CAMTA1: variants seen among roughly 807,000 people sequenced by gnomAD.
CAMTA1 encodes calmodulin-binding transcription activator 1.
Under a neutral mutation model 170.9 loss-of-function variants are expected in CAMTA1, and 27 were observed. The ratio of observed to expected loss-of-function variants is 0.16; its 90% confidence interval spans 0.12 to 0.22. The LOEUF (loss-of-function observed/expected upper bound fraction) is 0.22, where lower values mean the gene tolerates loss of function less well. Ranked by LOEUF, CAMTA1 falls within the 10% of genes least tolerant of loss-of-function variation. CAMTA1 has a pLI of 1.00. For missense variants in CAMTA1, 1,619 were observed against 2,217.2 expected (o/e 0.73, Z 5.42); for synonymous variants, 833 against 891.5 (o/e 0.93, Z 1.17).
chr1:7,042,901 C>A (rs1704693334), intron 3 of CAMTA1, among the ~76,000 whole-genome samples: 1 of 152,196 alleles, frequency 6.6e-6, no homozygotes, highest in South Asian at 2.1e-4. Flanking sequence ...TCTTGACCAC[C>A]AGAGGTCACT....
chr1:7,556,533 A>C (rs4908656), intron 6 of CAMTA1, among the ~76,000 whole-genome samples: 24,506 of 152,218 alleles, frequency 0.16, 2,473 homozygotes, highest in South Asian at 0.23. Flanking sequence ...TGGTCATTAC[A>C]GCCATGCACA....
chr1:7,496,964 G>A (rs968674616), intron 6 of CAMTA1, among the ~76,000 whole-genome samples: 2 of 151,734 alleles, frequency 1.3e-5, no homozygotes, highest in African/African-American at 4.8e-5. Context: ...ATGCAAAAGT[G>A]GCACAGCCCG....
At chr1:7,274,120 A>G (rs1216424853) in intron 5 of CAMTA1, among the ~76,000 whole-genome samples, 1 of 152,180 alleles carries the variant, frequency 6.6e-6, no homozygotes, top group Non-Finnish European at 1.5e-5. Context: ...ACATAATTGC[A>G]TCAACTGTAA....
intron 16 of CAMTA1, among the ~76,000 whole-genome samples, chr1:7,742,886 T>G (rs941928165): frequency 7.9e-5 from 12 of 152,146 alleles, no homozygotes; most frequent in Admixed American, 6.6e-4. Flanking sequence ...TGGAGTGCGG[T>G]GGTGCCATCT....
At chr1:7,180,412 C>G (rs1254717390) in intron 4 of CAMTA1, among the ~76,000 whole-genome samples, 1 of 149,830 alleles carries the variant, frequency 6.7e-6, no homozygotes, top group Non-Finnish European at 1.5e-5. Flanking sequence ...AATATGAAAA[C>G]AGTATCAATT....
chr1:7,063,708 G>T lies in CAMTA1; in HGVS notation c.235-27596G>T, dbSNP rs1281820336. Among the ~76,000 whole-genome samples, 1 of 152,178 alleles carries T rather than the reference G, an allele frequency of 6.6e-6. No individual in the cohort carries two copies. The highest frequency in any genetic ancestry group is 1.5e-5 in the Non-Finnish European group (1 of 68,036). On this transcript the variant is annotated intron_variant, in intron 3 of 22. Coordinates refer to ENST00000303635, the MANE Select transcript of CAMTA1 (RefSeq NM_015215.4). The surrounding 1 kb of genome is among the most constrained non-coding windows in gnomAD (Gnocchi z 4.3). Reference sequence around the variant, plus strand: ...TTCTTCTTATAAAAATCAGCAAGTTGTACCTACAAAGTGGGAGCAAATTCA... The same window carrying T: ...TTCTTCTTATAAAAATCAGCAAGTTTTACCTACAAAGTGGGAGCAAATTCA...
chr1:7,670,057 C>T (rs887966691), intron 9 of CAMTA1, among the ~76,000 whole-genome samples: 6 of 152,302 alleles, frequency 3.9e-5, no homozygotes, highest in African/African-American at 9.6e-5. Flanking sequence ...TGCCCCTGGG[C>T]GCCCTGGGAG....
At chr1:6,911,978 C>A (rs1004562161) in intron 3 of CAMTA1, among the ~76,000 whole-genome samples, 2 of 152,130 alleles carry the variant, frequency 1.3e-5, no homozygotes, top group Non-Finnish European at 2.9e-5. Context: ...GCTCTCTTTC[C>A]CTTCTTTCTC....
chr1:7,487,192 G>C (rs2093630173), intron 6 of CAMTA1, among the ~76,000 whole-genome samples: 1 of 152,134 alleles, frequency 6.6e-6, no homozygotes, highest in Non-Finnish European at 1.5e-5. Flanking sequence ...AGTGCATGAA[G>C]GCCCCTCCAC....
At chr1:7,701,037 CA>C in intron 11 of CAMTA1, 1 of 152,062 alleles carries the variant, frequency 6.6e-6, no homozygotes, top group Non-Finnish European at 1.5e-5. Context: ...TCTCAAAAAA[CA>C]AAAAAATCCT....
At chr1:6,923,143 C>G (rs1398770119) in intron 3 of CAMTA1, among the ~76,000 whole-genome samples, 1 of 152,192 alleles carries the variant, frequency 6.6e-6, no homozygotes, top group East Asian at 1.9e-4. Flanking sequence ...GGCACTCACT[C>G]TTCATCAGAA....
intron 3 of CAMTA1, among the ~76,000 whole-genome samples, chr1:6,833,292 A>C (rs1345592020): frequency 6.6e-6 from 1 of 152,234 alleles, no homozygotes; most frequent in Non-Finnish European, 1.5e-5. Context: ...TGTGGCACTT[A>C]ACCTGGCCAT....
rs1218327479 is a variant in CAMTA1, at chr1:7,683,879, C to A, written c.2914+6146C>A. Among the ~76,000 whole-genome samples the A allele has an allele frequency of 2.0e-5, 3 of 152,346 alleles. No individual in the cohort carries two copies. The South Asian group carries it at 6.2e-4, about 32-fold the overall frequency. On this transcript the variant is annotated intron_variant, in intron 11 of 22. Transcript: ENST00000303635. ...CCTCAGCACCGCAGTGGGTGGGAGT[C>A]GCATCAGCATCCAGTTTGGGGAGCA... is the stretch of plus-strand genomic sequence containing the variant.
intron 5 of CAMTA1, among the ~76,000 whole-genome samples, chr1:7,282,476 G>A (rs775147083): frequency 6.6e-6 from 1 of 152,146 alleles, no homozygotes; most frequent in Non-Finnish European, 1.5e-5. Context: ...TCAACTGGAC[G>A]GGTGGTTTCT....
chr1:6,910,691 G>A (rs925169698), intron 3 of CAMTA1, among the ~76,000 whole-genome samples: 5 of 152,184 alleles, frequency 3.3e-5, no homozygotes, highest in African/African-American at 9.7e-5. Flanking sequence ...TTTATAGAGC[G>A]CAGCAAACAG....
At chr1:7,136,691 G>A (rs1187642938) in intron 4 of CAMTA1, among the ~76,000 whole-genome samples, 3 of 152,162 alleles carry the variant, frequency 2.0e-5, no homozygotes, top group Admixed American at 1.3e-4. Context: ...AAAAGCTCTT[G>A]TTAAGGCTGC....
At position 6,785,578 on chromosome 1, in the gene CAMTA1, A is replaced by G. The variant is rs1638893276; in HGVS notation, c.45+3A>G. The G allele has an allele frequency of 9.4e-7, 1 of 1,059,720 alleles. No individual in the cohort carries two copies. Among genetic ancestry groups the G allele is most frequent in the Non-Finnish European group, 1.2e-6 (1 of 862,354 alleles). The allele number at this position is 1,059,720 out of a possible 1,614,324, so 65.6% of individuals were successfully genotyped here. On this transcript the variant is annotated splice_donor_region_variant and intron_variant, in intron 1 of 22. Coordinates refer to ENST00000303635, the MANE Select transcript of CAMTA1 (RefSeq NM_015215.4). ...GGCTGCCGAAAACAAGCCGGAAGGT[A>G]AGAGCCGGAGCGCGAGGGGCTGGGG...
intron 3 of CAMTA1, among the ~76,000 whole-genome samples, chr1:6,839,481 C>T (rs1654785143): frequency 6.6e-6 from 1 of 152,140 alleles, no homozygotes; most frequent in African/African-American, 2.4e-5. Flanking sequence ...CTACTATGTG[C>T]CAGGCACTAG....
At chr1:7,388,199 T>G (rs1323615752) in intron 5 of CAMTA1, 1 of 152,254 alleles carries the variant, frequency 6.6e-6, no homozygotes, top group Non-Finnish European at 1.5e-5. Context: ...GACACAGGGC[T>G]TTAATGGATG....
Sources: allele counts gnomAD v4.1 joint callset (sites outside exome capture counted in the v4.1 genomes callset), GRCh38; gene constraint gnomAD v4.1.1; non-coding constraint Gnocchi (gnomAD v3.1); transcripts MANE v1.5; gene names NCBI Gene and HGNC (gene_info 2026-07-23, HGNC 2026-07-21).